The following RARB variants were observed in gnomAD, a reference collection of about 807,000 sequenced individuals.
RARB encodes the protein retinoic acid receptor beta, also known as HBV-activated protein.
Under a neutral mutation model 51.9 loss-of-function variants are expected in RARB, and 17 were observed. That is an observed-to-expected ratio of 0.33 (90% CI 0.22 to 0.49). RARB has a LOEUF of 0.49. RARB is among the 20% of genes least tolerant of loss of function. RARB has a pLI of 0.99. For synonymous variants in RARB, 215 were observed against 195.4 expected (o/e 1.10, Z -0.84); for missense variants, 369 against 550.8 (o/e 0.67, Z 3.30).
intron 5 of RARB, among the ~76,000 whole-genome samples, chr3:25,583,929 G>A (rs1701285516): frequency 6.6e-6 from 1 of 152,132 alleles, no homozygotes; most frequent in African/African-American, 2.4e-5. Context: ...TCAGGCAAGT[G>A]AGGGAGCCCC....
chr3:25,581,738 G>T (rs1203800644), intron 5 of RARB, among the ~76,000 whole-genome samples: 2 of 152,198 alleles, frequency 1.3e-5, no homozygotes, highest in Admixed American at 6.5e-5. Context: ...GATGGAATCA[G>T]TGCCCTTATG....
chr3:25,492,960 T>A (rs1696818088), intron 2 of RARB, among the ~76,000 whole-genome samples: 2 of 151,842 alleles, frequency 1.3e-5, no homozygotes, highest in African/African-American at 4.8e-5. Context: ...ACTGGGACCA[T>A]GTCCTGATGG....
intron 5 of RARB, among the ~76,000 whole-genome samples, chr3:25,178,664 T>C (rs981246425): frequency 6.6e-6 from 1 of 152,160 alleles, no homozygotes; most frequent in African/African-American, 2.4e-5. Context: ...ATGATAGATA[T>C]TTAAAGGACC....
intron 3 of RARB, among the ~76,000 whole-genome samples, chr3:25,513,331 G>T (rs1408623139): frequency 6.6e-6 from 1 of 151,396 alleles, no homozygotes; most frequent in Non-Finnish European, 1.5e-5. Context: ...AAGAAGGAAA[G>T]AAAGGAAAGA....
chr3:24,870,543 G>A (rs1702927226), intron 2 of RARB, among the ~76,000 whole-genome samples: 2 of 152,044 alleles, frequency 1.3e-5, no homozygotes, highest in East Asian at 1.9e-4. Flanking sequence ...ATTTCTGGCA[G>A]TTTAAGCCTT....
intron 2 of RARB, among the ~76,000 whole-genome samples, chr3:25,039,331 G>A (rs768817584): frequency 1.3e-5 from 2 of 152,216 alleles, no homozygotes; most frequent in African/African-American, 4.8e-5. Context: ...CATTAAATAA[G>A]ACAGTGGTGG....
intron 3 of RARB, among the ~76,000 whole-genome samples, chr3:25,073,586 A>G (rs1311678203): frequency 6.6e-6 from 1 of 152,228 alleles, no homozygotes; most frequent in Non-Finnish European, 1.5e-5. Context: ...GCATTTCTCA[A>G]ACTCATCTGA....
At chr3:25,316,015 T>A (rs1297319135) in intron 5 of RARB, among the ~76,000 whole-genome samples, 2 of 152,224 alleles carry the variant, frequency 1.3e-5, no homozygotes, top group Non-Finnish European at 2.9e-5. Flanking sequence ...GTCACCTAGA[T>A]CCACTAGACT....
chr3:25,221,438 G>A (rs1701946273), intron 5 of RARB, among the ~76,000 whole-genome samples: 1 of 152,156 alleles, frequency 6.6e-6, no homozygotes, highest in Non-Finnish European at 1.5e-5. Flanking sequence ...CTTGCCTGAA[G>A]CCTGTAACTA....
chr3:25,334,771 A>T (rs1435090881), intron 5 of RARB, among the ~76,000 whole-genome samples: 1 of 152,176 alleles, frequency 6.6e-6, no homozygotes, highest in African/African-American at 2.4e-5. Context: ...ATGAGAGTTC[A>T]TGTGTGTTGG....
chr3:24,997,594 A>T (rs888752576), intron 2 of RARB, among the ~76,000 whole-genome samples: 2 of 152,260 alleles, frequency 1.3e-5, no homozygotes, highest in African/African-American at 4.8e-5. Context: ...CATGTTAGCC[A>T]GGCTGGTCTC....
intron 2 of RARB, among the ~76,000 whole-genome samples, chr3:24,981,816 G>C (rs1696680973): frequency 6.6e-6 from 1 of 152,124 alleles, no homozygotes; most frequent in Non-Finnish European, 1.5e-5. Flanking sequence ...GTCCCCACGA[G>C]ACAAACCAGG....
intron 2 of RARB, among the ~76,000 whole-genome samples, chr3:24,941,896 A>T (rs910332172): frequency 6.6e-6 from 1 of 152,204 alleles, no homozygotes; most frequent in Non-Finnish European, 1.5e-5. Context: ...AATCTTCTGA[A>T]TTTGCAGTTC....
chr3:25,174,878 C>T (rs897947425), intron 5 of RARB, among the ~76,000 whole-genome samples: 2 of 152,050 alleles, frequency 1.3e-5, no homozygotes, highest in African/African-American at 4.8e-5. Context: ...AGAAATTGGC[C>T]ATATGATAAA....
At chr3:25,434,362 C>G (rs1270757233) in intron 1 of RARB, among the ~76,000 whole-genome samples, 1 of 152,124 alleles carries the variant, frequency 6.6e-6, no homozygotes, top group African/African-American at 2.4e-5. Context: ...TTTACATTGT[C>G]ATAGAATAGA....
At chr3:25,041,413 G>C (rs949641) in intron 2 of RARB, among the ~76,000 whole-genome samples, 10 of 152,012 alleles carry the variant, frequency 6.6e-5, no homozygotes, top group African/African-American at 2.4e-4. Flanking sequence ...AACAAGGTCT[G>C]TAGATCTGAC....
chr3:25,101,380 C>G (rs1316314892), intron 3 of RARB, among the ~76,000 whole-genome samples: 2 of 152,048 alleles, frequency 1.3e-5, no homozygotes, highest in Non-Finnish European at 2.9e-5. Context: ...TTCCCATGCT[C>G]AACATAAGCA....
chr3:24,969,741 G>T (rs145561825), intron 2 of RARB, among the ~76,000 whole-genome samples: 1 of 152,224 alleles, frequency 6.6e-6, no homozygotes, highest in African/African-American at 2.4e-5. Context: ...CTGCAATGAG[G>T]CAGGAAGTTC....
chr3:25,162,421 T>G (rs1275337646), intron 4 of RARB, among the ~76,000 whole-genome samples: 1 of 152,194 alleles, frequency 6.6e-6, no homozygotes, highest in Non-Finnish European at 1.5e-5. Context: ...CTTTTTAAAT[T>G]ATCAAGATAT....
Sources: allele counts gnomAD v4.1 joint callset (sites outside exome capture counted in the v4.1 genomes callset), GRCh38; gene constraint gnomAD v4.1.1; transcripts MANE v1.5; gene names NCBI Gene and HGNC (gene_info 2026-07-23, HGNC 2026-07-21).